Variants in TXNDC16 observed in about 807,000 individuals in gnomAD.
The protein encoded by TXNDC16 is thioredoxin domain containing 16, also known as thioredoxin domain-containing protein 16.
TXNDC16 carries 74 observed loss-of-function variants against 85.6 expected under a neutral mutation model. The observed-to-expected ratio is 0.86, with a 90% CI of 0.72 to 1.05. The LOEUF (loss-of-function observed/expected upper bound fraction) is 1.05. TXNDC16 is among the 50% of genes least tolerant of loss of function. The pLI, the probability that TXNDC16 is intolerant of heterozygous loss-of-function variation, is 0.00. For synonymous variants in TXNDC16, 335 were observed against 326.5 expected (o/e 1.03, Z -0.28); for missense variants, 959 against 947.0 (o/e 1.01, Z -0.17).
At chr14:52,482,472 C>T (rs180805447) in intron 13 of TXNDC16, among the ~76,000 whole-genome samples, 183 bp from the exon 14 acceptor site, 13 of 152,084 alleles carry the variant, frequency 8.5e-5, no homozygotes, top group South Asian at 6.2e-4. Flanking sequence ...ACTGATTTTC[C>T]GCACTTGTAC....
intron 5 of TXNDC16, 121 bp from the exon 6 acceptor site, chr14:52,536,914 T>C: frequency 1.3e-6 from 1 of 767,242 alleles, no homozygotes; most frequent in East Asian, 2.7e-5. Flanking sequence ...AGCTGTGTCT[T>C]GTCCACATAC....
At chr14:52,491,345 CTTTTTTT>C (rs11337974) in intron 9 of TXNDC16, among the ~76,000 whole-genome samples, 4 of 107,492 alleles carry the variant, frequency 3.7e-5, no homozygotes, top group East Asian at 2.8e-4. Context: ...CCATGCCTAG[CTTTTTTT>C]TTTTTTTTTT....
intron 9 of TXNDC16, among the ~76,000 whole-genome samples, chr14:52,510,316 T>C (rs2036925507): frequency 1.3e-5 from 2 of 152,364 alleles, no homozygotes; most frequent in South Asian, 2.1e-4. Flanking sequence ...CAAAACCATT[T>C]TAAACACTTG....
intron 12 of TXNDC16, among the ~76,000 whole-genome samples, chr14:52,483,840 T>C (rs1484189852): frequency 6.6e-6 from 1 of 152,152 alleles, no homozygotes. Flanking sequence ...TTTGTAGAGA[T>C]TGTACGGTAA....
chr14:52,493,983 G>A (rs1349621298), intron 9 of TXNDC16, among the ~76,000 whole-genome samples: 1 of 151,838 alleles, frequency 6.6e-6, no homozygotes, highest in African/African-American at 2.4e-5. Flanking sequence ...GTCTCGCCAT[G>A]TTGCCCAGGC....
intron 18 of TXNDC16, among the ~76,000 whole-genome samples, chr14:52,446,387 C>T (rs2035284803): frequency 6.6e-6 from 1 of 152,166 alleles, no homozygotes; most frequent in Non-Finnish European, 1.5e-5. Flanking sequence ...CCATCTCTAG[C>T]CAGAGCAGAA....
At chr14:52,488,076 G>A (rs1395846387) in intron 12 of TXNDC16, among the ~76,000 whole-genome samples, 1 of 152,170 alleles carries the variant, frequency 6.6e-6, no homozygotes, top group Non-Finnish European at 1.5e-5. Flanking sequence ...ACATGGACTA[G>A]TCCAGAACGG....
intron 6 of TXNDC16, among the ~76,000 whole-genome samples, chr14:52,527,865 T>C (rs1278119407): frequency 6.6e-6 from 1 of 151,602 alleles, no homozygotes; most frequent in Non-Finnish European, 1.5e-5. Context: ...AATAGTATGA[T>C]GCTATGCCCT....
intron 18 of TXNDC16, among the ~76,000 whole-genome samples, chr14:52,447,515 G>T (rs1454457017): frequency 6.6e-6 from 1 of 152,188 alleles, no homozygotes; most frequent in Admixed American, 6.5e-5. Context: ...AGTGGTGGTG[G>T]CCCCTGAGGG....
intron 20 of TXNDC16, among the ~76,000 whole-genome samples, chr14:52,437,225 T>C (rs1202334001): frequency 6.6e-6 from 1 of 152,162 alleles, no homozygotes; most frequent in Non-Finnish European, 1.5e-5. Context: ...TGGTTCAAAA[T>C]TCTGGCTCTG....
At chr14:52,546,137 A>C (rs2037936785) in intron 1 of TXNDC16, among the ~76,000 whole-genome samples, 1 of 152,010 alleles carries the variant, frequency 6.6e-6, no homozygotes, top group East Asian at 1.9e-4. Context: ...TAAGAAAAAA[A>C]ATTGCCATGC....
At chr14:52,457,576 T>A (rs553847838) in intron 16 of TXNDC16, among the ~76,000 whole-genome samples, 2 of 152,196 alleles carry the variant, frequency 1.3e-5, no homozygotes, top group African/African-American at 4.8e-5. Flanking sequence ...ATTATAACCA[T>A]AAAATCTGAA....
At chr14:52,522,633 T>C (rs1292573973) in intron 6 of TXNDC16, among the ~76,000 whole-genome samples, 1 of 152,206 alleles carries the variant, frequency 6.6e-6, no homozygotes, top group African/African-American at 2.4e-5. Context: ...AGCTGTAGTA[T>C]CCAATGCTCA....
At chr14:52,504,832 T>C (rs1010353073) in intron 9 of TXNDC16, among the ~76,000 whole-genome samples, 2 of 152,040 alleles carry the variant, frequency 1.3e-5, no homozygotes, top group Admixed American at 6.6e-5. Flanking sequence ...GCCCATCTCA[T>C]GTGCAGAGAC....
chr14:52,443,570 T>C (rs547778782), intron 18 of TXNDC16, among the ~76,000 whole-genome samples: 4 of 152,248 alleles, frequency 2.6e-5, no homozygotes, highest in South Asian at 4.1e-4. Flanking sequence ...ATAGGGAACA[T>C]CATGAAGATA....
chr14:52,492,525 G>GA (rs2036431504), intron 9 of TXNDC16, among the ~76,000 whole-genome samples: 1 of 152,168 alleles, frequency 6.6e-6, no homozygotes, highest in Non-Finnish European at 1.5e-5. Flanking sequence ...CTCACACAGA[G>GA]AATGTGTGAG....
intron 16 of TXNDC16, among the ~76,000 whole-genome samples, chr14:52,457,683 T>TA (rs1490222820): frequency 6.6e-6 from 1 of 152,220 alleles, no homozygotes; most frequent in Non-Finnish European, 1.5e-5. Context: ...CTGTGTCTTT[T>TA]AAAAAACAAT....
At chr14:52,478,151 T>G (rs2036060329) in intron 14 of TXNDC16, among the ~76,000 whole-genome samples, 1 of 152,134 alleles carries the variant, frequency 6.6e-6, no homozygotes, top group African/African-American at 2.4e-5. Context: ...TGACACAACC[T>G]ATCAAAACCT....
intron 6 of TXNDC16, among the ~76,000 whole-genome samples, chr14:52,528,221 A>G (rs1426262827): frequency 1.3e-5 from 2 of 152,138 alleles, no homozygotes; most frequent in Non-Finnish European, 2.9e-5. Flanking sequence ...ACTGGTCTCA[A>G]GCAAAACATT....
Sources: gnomAD v4.1 joint callset for allele counts (sites outside exome capture counted in the v4.1 genomes callset) on GRCh38, gnomAD v4.1.1 for gene constraint, MANE v1.5 for transcripts, NCBI Gene and HGNC (gene_info 2026-07-23, HGNC 2026-07-21) for gene names.